The following PRPF18 variants were observed in gnomAD, a reference collection of about 807,000 sequenced individuals.
PRPF18 encodes the protein pre-mRNA-splicing factor 18.
Under a neutral mutation model 46.5 loss-of-function variants are expected in PRPF18, and 38 were observed. The ratio of observed to expected loss-of-function variants is 0.82; its 90% CI spans 0.63 to 1.07. The LOEUF (loss-of-function observed/expected upper bound fraction) is 1.07. PRPF18 is among the 50% of genes least tolerant of loss of function. The probability of loss-of-function intolerance (pLI) is 0.00; values close to 1 mark genes in which losing one functional copy is unlikely to be tolerated. For synonymous variants in PRPF18, 152 were observed against 146.7 expected, an observed-to-expected ratio of 1.04 and a Z score of -0.26; for missense variants, 263 against 410.0, an observed-to-expected ratio of 0.64 and a Z score of 3.10.
intron 2 of PRPF18, among the ~76,000 whole-genome samples, chr10:13,599,986 C>T (rs1452725384): frequency 1.3e-5 from 2 of 152,132 alleles, no homozygotes; most frequent in Admixed American, 6.6e-5. Context: ...TTTTGGAAAT[C>T]GTGGTAGTCG....
At chr10:13,611,153 A>G (rs2080262779) in intron 5 of PRPF18, among the ~76,000 whole-genome samples, 1 of 147,864 alleles carries the variant, frequency 6.8e-6, no homozygotes, top group African/African-American at 2.5e-5. Flanking sequence ...CCTAAATTTT[A>G]CTAAAATAAT....
chr10:13,588,838 T>C (rs536576018), intron 1 of PRPF18, among the ~76,000 whole-genome samples: 13 of 152,326 alleles, frequency 8.5e-5, no homozygotes, highest in Admixed American at 7.8e-4. Context: ...AAGCTTTTGG[T>C]CTCAGGACCC....
chr10:13,590,450 A>T (rs1015776871), intron 1 of PRPF18, among the ~76,000 whole-genome samples: 30 of 136,954 alleles, frequency 2.2e-4, no homozygotes, highest in African/African-American at 6.5e-4. Context: ...ACAAAAAAAA[A>T]AAATATATAT....
intron 9 of PRPF18, among the ~76,000 whole-genome samples, chr10:13,628,902 C>G (rs1461859391): frequency 6.6e-6 from 1 of 152,120 alleles, no homozygotes; most frequent in Non-Finnish European, 1.5e-5. Context: ...TGTCTCAGGT[C>G]TCTGCCCTTG....
At chr10:13,620,536 G>A (rs921834112) in intron 9 of PRPF18, among the ~76,000 whole-genome samples, 5 of 152,110 alleles carry the variant, frequency 3.3e-5, no homozygotes, top group African/African-American at 4.8e-5. Context: ...AACAAGATCT[G>A]GAGTTAGAAC....
At chr10:13,653,735 G>A in the PRPF18 span, 1 of 149,418 alleles carries the variant, frequency 6.7e-6, no homozygotes, top group African/African-American at 2.6e-5. Context: ...GGCAACAGAA[G>A]AGGCAGGTGC....
chr10:13,621,144 A>C (rs1248061637), intron 9 of PRPF18, among the ~76,000 whole-genome samples: 1 of 152,216 alleles, frequency 6.6e-6, no homozygotes, highest in Non-Finnish European at 1.5e-5. Flanking sequence ...TTTATTTGTC[A>C]AAAATAAGGG....
intron 1 of PRPF18, among the ~76,000 whole-genome samples, chr10:13,596,634 C>T (rs749678401): frequency 6.6e-5 from 10 of 152,174 alleles, no homozygotes; most frequent in African/African-American, 1.7e-4. Flanking sequence ...CTCCAAATTA[C>T]GGACTGTAGA....
At chr10:13,623,454 A>G (rs867955669) in intron 9 of PRPF18, among the ~76,000 whole-genome samples, 2 of 152,312 alleles carry the variant, frequency 1.3e-5, no homozygotes, top group South Asian at 4.1e-4. Context: ...CTGGGTGGAA[A>G]ACGTCACTCA....
intron 9 of PRPF18, among the ~76,000 whole-genome samples, chr10:13,629,571 C>A (rs1983888): frequency 0.81 from 122,666 of 152,184 alleles, 49,588 homozygotes; most frequent in East Asian, 0.85. Flanking sequence ...TTTGAAAAAC[C>A]GTTCCACCAT....
chr10:13,602,510 GTT>G (rs1270811763), intron 3 of PRPF18, among the ~76,000 whole-genome samples: 1 of 141,796 alleles, frequency 7.1e-6, no homozygotes. Context: ...TTTTCATTAT[GTT>G]TTTTTTTTTG....
At chr10:13,589,999 A>C (rs1357446440) in intron 1 of PRPF18, among the ~76,000 whole-genome samples, 1 of 152,114 alleles carries the variant, frequency 6.6e-6, no homozygotes, top group Non-Finnish European at 1.5e-5. Flanking sequence ...GTTGAAATCT[A>C]AGTGCTTTAA....
downstream of PRPF18, among the ~76,000 whole-genome samples, chr10:13,635,660 T>C (rs939417037): frequency 1.5e-4 from 23 of 152,222 alleles, no homozygotes; most frequent in African/African-American, 5.5e-4. Context: ...ATGTTGAGCT[T>C]TTCTTCTTGT....
Position 13,600,250 on chromosome 10 carries a change from C to T in PRPF18, c.151C>T (p.Pro51Ser), listed in dbSNP as rs1215622033. The T allele has an allele frequency of 6.2e-7, 1 of 1,604,906 alleles. No homozygotes were observed. Among genetic ancestry groups the T allele is most frequent in the East Asian group, 2.3e-5 (1 of 44,322 alleles). Reference sequence around the variant, plus strand: ...CTTTTGGCTATTAATATAGATACAGCCAAAAGAGGAGGACCAGAAACCATT... The same window carrying T: ...CTTTTGGCTATTAATATAGATACAGTCAAAAGAGGAGGACCAGAAACCATT... Reference protein sequence around the residue: ...YFERCGYKIQPKEEDQKPLTS... With the variant: ...YFERCGYKIQSKEEDQKPLTS... The change falls in exon 3 of 10, where the codon CCA (proline) becomes TCA (serine). Residue 51 changes from proline (P) to serine (S), a missense_variant. Pro to Ser is a moderately conservative substitution (Grantham distance 74, BLOSUM62 -1). Transcript: ENST00000378572.
At chr10:13,594,596 A>T (rs2502215) in intron 1 of PRPF18, among the ~76,000 whole-genome samples, 3,018 of 152,300 alleles carry the variant, frequency 0.02, 117 homozygotes, top group African/African-American at 0.069. Flanking sequence ...GGTTCAGTGA[A>T]TTATGCAGAT....
chr10:13,593,100 C>T (rs1378273380), intron 1 of PRPF18, among the ~76,000 whole-genome samples: 2 of 152,142 alleles, frequency 1.3e-5, no homozygotes, highest in Admixed American at 1.3e-4. Flanking sequence ...CCACATTATA[C>T]AAAACATTCT....
chr10:13,629,020 G>A (rs997160584), intron 9 of PRPF18, among the ~76,000 whole-genome samples: 1 of 152,150 alleles, frequency 6.6e-6, no homozygotes, highest in African/African-American at 2.4e-5. Flanking sequence ...GCTAAATGTC[G>A]ACCAAGGATT....
chr10:13,616,281 T>C lies in PRPF18; in HGVS notation c.793-117T>C, dbSNP rs561324643. 247 of 1,057,190 alleles carry C rather than the reference T, an allele frequency of 2.3e-4. 2 individuals are homozygous for C. The highest frequency in any genetic ancestry group is 2.0e-3 in the South Asian group (121 of 60,518). 65.5% of individuals were successfully genotyped at this position (1,057,190 alleles called of 1,614,324 possible). Reference sequence around the variant, plus strand: ...ATAACAGTCATGGTAATATTTTCCATGTGCCCAAAAGGTGGACGAAAATTA... The same window carrying C: ...ATAACAGTCATGGTAATATTTTCCACGTGCCCAAAAGGTGGACGAAAATTA... On this transcript the variant is annotated intron_variant, in intron 8 of 9. Transcript: ENST00000378572.
At chr10:13,633,078 A>G (rs1317439611), downstream of PRPF18, among the ~76,000 whole-genome samples, 2 of 152,230 alleles carry the variant, frequency 1.3e-5, no homozygotes, top group South Asian at 2.1e-4. Flanking sequence ...GCCTGCAACA[A>G]TCTGGAGGTT....
Sources: gnomAD v4.1 joint callset for allele counts (sites outside exome capture counted in the v4.1 genomes callset) on GRCh38, gnomAD v4.1.1 for gene constraint, MANE v1.5 for transcripts, NCBI Gene and HGNC (gene_info 2026-07-23, HGNC 2026-07-21) for gene names.